Variants in TRIM26 observed in about 807,000 individuals in gnomAD.
TRIM26 encodes the protein tripartite motif containing 26, also known as tripartite motif-containing protein 26.
A neutral mutation model predicts 45.5 loss-of-function variants in TRIM26; 16 were observed. The ratio of observed to expected loss-of-function variants is 0.35; its 90% CI spans 0.24 to 0.53. The LOEUF (loss-of-function observed/expected upper bound fraction) is 0.53. TRIM26 is among the 20% of genes least tolerant of loss of function. The pLI is 0.92. For synonymous variants in TRIM26, 273 were observed against 290.4 expected, an observed-to-expected ratio of 0.94 and a Z score of 0.61; for missense variants, 442 against 691.1, an observed-to-expected ratio of 0.64 and a Z score of 4.04.
chr6:30,212,624 G>A (rs1183711442), intron 1 of TRIM26, among the ~76,000 whole-genome samples: 3 of 151,798 alleles, frequency 2.0e-5, no homozygotes, highest in Non-Finnish European at 4.4e-5. Flanking sequence ...TTGAACTTGG[G>A]GAAAAACATG....
intron 1 of TRIM26, among the ~76,000 whole-genome samples, chr6:30,212,932 A>AG (rs1562245020): frequency 4.7e-5 from 7 of 149,720 alleles, no homozygotes; most frequent in Non-Finnish European, 4.4e-5. Context: ...AAAAAAAAAA[A>AG]AAAGAAAGAG....
chr6:30,208,908 G>A (rs1043841678), intron 1 of TRIM26, among the ~76,000 whole-genome samples: 1 of 109,650 alleles, frequency 9.1e-6, no homozygotes, highest in African/African-American at 3.8e-5. Context: ...TAGAATATGT[G>A]TGTGTGTGTG....
rs1050222324 is a variant in TRIM26 at position 30,198,254 on chromosome 6, C to T, written c.534+175G>A. ...GACAAGAAACAGGCCCAAGACTACA[C>T]GGCTCAGAAAGACAGCACTTGGGCT... On this transcript the variant is annotated intron_variant, in intron 5 of 9. Coordinates refer to ENST00000454678, the MANE Select transcript of TRIM26 (RefSeq NM_003449.5). This position sits in a 1 kb window ranked among gnomAD's most constrained non-coding sequence, Gnocchi z 6.3. 3.3e-5 allele frequency among the ~76,000 whole-genome samples: 5 copies of T among 152,222 alleles called. No homozygotes were observed. Among genetic ancestry groups the T allele is most frequent in the African/African-American group, 9.6e-5 (4 of 41,462 alleles).
intron 9 of TRIM26, chr6:30,188,418 C>A: frequency 6.8e-6 from 2 of 294,202 alleles, no homozygotes; most frequent in Non-Finnish European, 1.4e-5. Context: ...TGGGATAATC[C>A]TCACCATCAT....
Position 30,189,578 on chromosome 6 carries a change from A to T in TRIM26, c.789-45T>A. 6.7e-7 allele frequency: 1 copy of T among 1,482,230 alleles called. No individual in the cohort carries two copies. Among genetic ancestry groups the T allele is most frequent in the Non-Finnish European group, 9.4e-7 (1 of 1,062,594 alleles). 91.8% of individuals were successfully genotyped at this position (1,482,230 alleles called of 1,614,324 possible). A position where few individuals can be genotyped will look rare whatever the true frequency, so the allele number is the denominator to read the frequency against. On this transcript the variant is annotated intron_variant, in intron 7 of 9. Transcript: ENST00000454678. The surrounding 1 kb of genome is among the most constrained non-coding windows in gnomAD (Gnocchi z 5.0). The stretch of plus-strand genomic sequence containing the variant: ...AACAAGCTGTTACTCAGCTCTTCTT[A>T]CTTTCCTTCATACTTATCTCTCAAT...
Position 30,189,977 on chromosome 6 carries a change from G to A in TRIM26, c.788+36C>T. The A allele has an allele frequency of 6.2e-7, 1 of 1,612,518 alleles. No individual in the cohort carries two copies. The highest frequency in any genetic ancestry group is 8.5e-7 in the Non-Finnish European group (1 of 1,179,556). The stretch of plus-strand genomic sequence containing the variant: ...CAGAAGCGGGGGAACATAAACAAGG[G>A]GGATGAGGTACGCCATGGAGAGGAG... On this transcript the variant is annotated intron_variant, in intron 7 of 9. Coordinates refer to ENST00000454678, the MANE Select transcript of TRIM26 (RefSeq NM_003449.5). The surrounding 1 kb of genome is among the most constrained non-coding windows in gnomAD (Gnocchi z 5.0).
At chr6:30,205,282 A>G (rs1451372414) in intron 1 of TRIM26, among the ~76,000 whole-genome samples, 1 of 152,102 alleles carries the variant, frequency 6.6e-6, no homozygotes, top group Non-Finnish European at 1.5e-5. Flanking sequence ...AGCTAGCTGC[A>G]ATTCTATAGA....
At chr6:30,193,182 A>ATATATATT (rs9280916) in intron 6 of TRIM26, among the ~76,000 whole-genome samples, 8 of 38,820 alleles carry the variant, frequency 2.1e-4, no homozygotes, top group East Asian at 1.5e-3. Context: ...ATATATATAT[A>ATATATATT]TTTTTTTTTT....
chr6:30,192,634 C>T (rs577991431), intron 6 of TRIM26, among the ~76,000 whole-genome samples: 1 of 152,274 alleles, frequency 6.6e-6, no homozygotes, highest in African/African-American at 2.4e-5. Context: ...CTGCCTCAGC[C>T]TCCCAAAGTG....
intron 1 of TRIM26, among the ~76,000 whole-genome samples, chr6:30,208,904 ATGTGTGTGTGTGTGTGTG>A (rs9278612): frequency 8.5e-4 from 119 of 140,824 alleles, no homozygotes; most frequent in Middle Eastern, 3.5e-3. Flanking sequence ...GATATAGAAT[ATGTGTGTGTGTGTGTGTG>A]TGTGTGTGTG....
intron 1 of TRIM26, among the ~76,000 whole-genome samples, chr6:30,210,209 C>CAA (rs9278613): frequency 6.9e-5 from 10 of 145,058 alleles, no homozygotes; most frequent in Non-Finnish European, 4.5e-5. Context: ...TGACTCAAAA[C>CAA]AAAAAAAAAA....
rs1775635014 is a variant in TRIM26 at position 30,189,862 on chromosome 6, T to C, written c.788+151A>G. 2 of 884,688 alleles carry C rather than the reference T, an allele frequency of 2.3e-6. No individual in the cohort carries two copies. The highest frequency in any genetic ancestry group is 1.8e-6 in the Non-Finnish European group (1 of 552,754). 54.8% of individuals were successfully genotyped at this position (884,688 alleles called of 1,614,324 possible). On this transcript the variant is annotated intron_variant, in intron 7 of 9. Coordinates refer to ENST00000454678, the MANE Select transcript of TRIM26 (RefSeq NM_003449.5). The surrounding 1 kb of genome is among the most constrained non-coding windows in gnomAD (Gnocchi z 5.0). The stretch of plus-strand genomic sequence containing the variant: ...CAAGTCTCCAGTTCTCAATGATGTG[T>C]CCTGCTCCTCAGAAGGGCATCAGGA...
chr6:30,186,758 A>T lies in TRIM26; in HGVS notation c.938-200T>A. 1 of 1,002,540 alleles carries T rather than the reference A, an allele frequency of 1.0e-6. No individual in the cohort carries two copies. The highest frequency in any genetic ancestry group is 2.5e-5 in the East Asian group (1 of 40,718). 62.1% of individuals were successfully genotyped at this position (1,002,540 alleles called of 1,614,324 possible). A position where few individuals can be genotyped will look rare whatever the true frequency, so the allele number is the denominator to read the frequency against. On this transcript the variant is annotated intron_variant, in intron 9 of 9. Transcript: ENST00000454678. This position sits in a 1 kb window ranked among gnomAD's most constrained non-coding sequence, Gnocchi z 7.4. The stretch of plus-strand genomic sequence containing the variant: ...TGTATTCTGCTAAATCACCATAACT[A>T]AACTGCTTTATAAACATGATATACT...
chr6:30,212,058 C>T (rs557028559), intron 1 of TRIM26, among the ~76,000 whole-genome samples: 1 of 152,282 alleles, frequency 6.6e-6, no homozygotes, highest in East Asian at 1.9e-4. Context: ...CTATCTCACC[C>T]AAATCAATAT....
At chr6:30,192,656 G>A (rs1775973060) in intron 6 of TRIM26, among the ~76,000 whole-genome samples, 1 of 152,036 alleles carries the variant, frequency 6.6e-6, no homozygotes, top group African/African-American at 2.4e-5. Context: ...TGGAATTATA[G>A]GTGTGAATCA....
chr6:30,193,092 A>G (rs1479478508), intron 6 of TRIM26, among the ~76,000 whole-genome samples: 3 of 136,552 alleles, frequency 2.2e-5, no homozygotes, highest in Non-Finnish European at 3.1e-5. Flanking sequence ...ATATACATAT[A>G]TATGTATCTA....
At position 30,207,191 on chromosome 6, in the gene TRIM26, G is replaced by A. The variant is rs1358472495; in HGVS notation, c.-375-2426C>T. Among the ~76,000 whole-genome samples, 1 of 152,180 alleles carries A rather than the reference G, an allele frequency of 6.6e-6. No individual in the cohort carries two copies. The highest frequency in any genetic ancestry group is 2.4e-5 in the African/African-American group (1 of 41,434). On this transcript the variant is annotated intron_variant, in intron 1 of 9. Coordinates refer to ENST00000454678, the MANE Select transcript of TRIM26 (RefSeq NM_003449.5). This position sits in a 1 kb window ranked among gnomAD's most constrained non-coding sequence, Gnocchi z 4.9. ...ACAGATTATGCAAGACTGTGACCCA[G>A]GTTAAGAATTTTGGACTTTATCCTA...
At chr6:30,201,782 A>T (rs1480772067) in intron 2 of TRIM26, among the ~76,000 whole-genome samples, 1 of 151,656 alleles carries the variant, frequency 6.6e-6, no homozygotes, top group Non-Finnish European at 1.5e-5. Context: ...CGGGAGGCAG[A>T]GGTTGCAGTG....
intron 2 of TRIM26, among the ~76,000 whole-genome samples, chr6:30,202,695 A>T (rs1194423174): frequency 6.6e-6 from 1 of 152,234 alleles, no homozygotes; most frequent in African/African-American, 2.4e-5. Flanking sequence ...TCCAGTTTAT[A>T]AAAAATATAA....
Sources: gnomAD v4.1 joint callset for allele counts (sites outside exome capture counted in the v4.1 genomes callset) on GRCh38, gnomAD v4.1.1 for gene constraint, Gnocchi (gnomAD v3.1) non-coding constraint, MANE v1.5 for transcripts, NCBI Gene and HGNC (gene_info 2026-07-23, HGNC 2026-07-21) for gene names.